The following RAB11A variants were observed in gnomAD, a reference collection of about 807,000 sequenced individuals.
RAB11A encodes ras-related protein Rab-11A.
RAB11A carries 9 observed loss-of-function variants against 28.0 expected under a neutral mutation model. The ratio of observed to expected loss-of-function variants is 0.32; its 90% CI spans 0.19 to 0.56. The LOEUF (loss-of-function observed/expected upper bound fraction) is 0.56, where lower values mean the gene tolerates loss of function less well. Ranked by LOEUF, RAB11A falls within the 20% of genes least tolerant of loss-of-function variation. The probability of loss-of-function intolerance (pLI) is 0.91; values close to 1 mark genes in which losing one functional copy is unlikely to be tolerated. For synonymous variants in RAB11A, 85 were observed against 88.2 expected (o/e 0.96, Z 0.20); for missense variants, 108 against 269.6 (o/e 0.40, Z 4.20).
intron 1 of RAB11A, among the ~76,000 whole-genome samples, chr15:65,870,660 G>T (rs2078154849): frequency 6.6e-6 from 1 of 152,216 alleles, no homozygotes; most frequent in Non-Finnish European, 1.5e-5. Flanking sequence ...TGCAACGCTG[G>T]GAGGATCCAA....
chr15:65,886,821 T>C (rs1181247827), intron 4 of RAB11A, among the ~76,000 whole-genome samples: 1 of 152,232 alleles, frequency 6.6e-6, no homozygotes, highest in Non-Finnish European at 1.5e-5. Flanking sequence ...AGACACTAAA[T>C]TATTTTTGAT....
In RAB11A at chr15:65,890,380, T is replaced by G. The variant is rs189652013; in HGVS notation, c.*2540T>G. 7.8e-4 allele frequency: 119 copies of G among 152,306 alleles called. No homozygotes were observed. The highest frequency in any genetic ancestry group is 2.7e-3 in the African/African-American group (114 of 41,564). 9.4% of individuals were successfully genotyped at this position (152,306 alleles called of 1,614,324 possible). A position where few individuals can be genotyped will look rare whatever the true frequency, so the allele number is the denominator to read the frequency against. ...CCTTGAATTTTTTTTTAACCTGTTA[T>G]ATAGTCTCCTGAATAGTTAGCCATG... On this transcript the variant is annotated 3_prime_UTR_variant, in exon 5 of 5. Coordinates refer to ENST00000261890, the MANE Select transcript of RAB11A (RefSeq NM_004663.5).
chr15:65,872,653 C>T (rs1359537213), intron 1 of RAB11A, among the ~76,000 whole-genome samples: 1 of 151,902 alleles, frequency 6.6e-6, no homozygotes, highest in Non-Finnish European at 1.5e-5. Flanking sequence ...AGGCTGGTCT[C>T]GAACTCCTGA....
At chr15:65,875,557 C>T (rs1345815689) in intron 1 of RAB11A, among the ~76,000 whole-genome samples, 2 of 152,208 alleles carry the variant, frequency 1.3e-5, no homozygotes, top group Non-Finnish European at 2.9e-5. Context: ...TATGTGTTTG[C>T]CACAGCATCT....
intron 4 of RAB11A, among the ~76,000 whole-genome samples, chr15:65,885,099 A>G (rs2078247915): frequency 6.7e-6 from 1 of 148,242 alleles, no homozygotes. Flanking sequence ...TCACAATACC[A>G]TATGTCGTAT....
Position 65,885,854 on chromosome 15 carries a change from C to T in RAB11A, c.512-1847C>T, listed in dbSNP as rs74403111. 9.4e-3 allele frequency among the ~76,000 whole-genome samples: 1,427 copies of T among 152,320 alleles called. 22 individuals are homozygous for T. The highest frequency in any genetic ancestry group is 0.057 in the South Asian group (276 of 4,828). On this transcript the variant is annotated intron_variant, in intron 4 of 4. Coordinates refer to ENST00000261890, the MANE Select transcript of RAB11A (RefSeq NM_004663.5). ...AGAGAGATGACCCACCTCCCAATGG[C>T]ATTCAGAGGCTTATGCCATTCTGGC...
At chr15:65,870,408 C>T (rs2141098763) in intron 1 of RAB11A, among the ~76,000 whole-genome samples, 1 of 152,346 alleles carries the variant, frequency 6.6e-6, no homozygotes, top group Middle Eastern at 3.4e-3. Context: ...CACCCACTCG[C>T]GCACTTGTCG....
chr15:65,875,065 G>C (rs2078184165), intron 1 of RAB11A, among the ~76,000 whole-genome samples: 1 of 151,890 alleles, frequency 6.6e-6, no homozygotes, highest in Non-Finnish European at 1.5e-5. Flanking sequence ...AAGAAAGAAA[G>C]AAAGTGCTGG....
At chr15:65,875,049 AAAAGAAAG>A (rs560918999) in intron 1 of RAB11A, among the ~76,000 whole-genome samples, 2 of 152,068 alleles carry the variant, frequency 1.3e-5, no homozygotes, top group African/African-American at 4.8e-5. Context: ...CTGTCTCAAA[AAAAGAAAG>A]AAAGAAAGAA....
intron 1 of RAB11A, among the ~76,000 whole-genome samples, chr15:65,876,458 G>A (rs1050944568): frequency 2.0e-5 from 3 of 151,846 alleles, no homozygotes; most frequent in Admixed American, 6.6e-5. Context: ...CACCACACCT[G>A]GCTAATTTTT....
In RAB11A at chr15:65,877,182, A is replaced by AC; in HGVS notation, c.41-145dup. 1.6e-6 allele frequency: 1 copy of AC among 635,454 alleles called. No homozygotes were observed. The highest frequency in any genetic ancestry group is 2.1e-5 in the South Asian group (1 of 46,556). The allele number at this position is 635,454 out of a possible 1,614,324, so 39.4% of individuals were successfully genotyped here. A position where few individuals can be genotyped will look rare whatever the true frequency, so the allele number is the denominator to read the frequency against. ...TAACTGGTCAAGAACATGCTGTTCAACCCCCTACCCCCATTCCTTTTTAAA... is the reference window on the plus strand; with the variant it reads ...TAACTGGTCAAGAACATGCTGTTCAACCCCCCTACCCCCATTCCTTTTTAAA... On this transcript the variant is annotated intron_variant, in intron 1 of 4. Transcript: ENST00000261890. The surrounding 1 kb of genome is among the most constrained non-coding windows in gnomAD (Gnocchi z 4.1).
intron 1 of RAB11A, among the ~76,000 whole-genome samples, chr15:65,872,997 A>T (rs2078172158): frequency 2.6e-5 from 4 of 152,254 alleles, no homozygotes; most frequent in Admixed American, 2.6e-4. Context: ...TAACCAGTTC[A>T]AAATAAAGGG....
chr15:65,878,549 G>C (rs1291034276), intron 3 of RAB11A, among the ~76,000 whole-genome samples: 1 of 152,146 alleles, frequency 6.6e-6, no homozygotes, highest in Non-Finnish European at 1.5e-5. Context: ...CGCGGTGGCG[G>C]GCGCCTGTAG....
chr15:65,874,191 G>A (rs971614324), intron 1 of RAB11A, among the ~76,000 whole-genome samples: 8 of 151,592 alleles, frequency 5.3e-5, no homozygotes, highest in African/African-American at 1.5e-4. Flanking sequence ...AGGTATTTGC[G>A]ATGATACTCA....
At chr15:65,884,196 A>G (rs74021898) in intron 4 of RAB11A, among the ~76,000 whole-genome samples, 87 of 152,302 alleles carry the variant, frequency 5.7e-4, no homozygotes, top group African/African-American at 2.0e-3. Flanking sequence ...TTTTGTTTCA[A>G]TGAAAAAGGA....
Position 65,890,004 on chromosome 15 carries a change from C to T in RAB11A, c.*2164C>T, listed in dbSNP as rs1056515696. On this transcript the variant is annotated 3_prime_UTR_variant, in exon 5 of 5. Transcript: ENST00000261890. Reference sequence around the variant, plus strand: ...TATTATGACAGTTCAGGGCTTAAGGCAGTTTAGAAGTATTTTGCTACTTGA... The same window carrying T: ...TATTATGACAGTTCAGGGCTTAAGGTAGTTTAGAAGTATTTTGCTACTTGA... 3 of 151,560 alleles carry T rather than the reference C, an allele frequency of 2.0e-5. No homozygotes were observed. Among genetic ancestry groups the T allele is most frequent in the African/African-American group, 7.3e-5 (3 of 41,232 alleles). The allele number at this position is 151,560 out of a possible 1,614,324, so 9.4% of individuals were successfully genotyped here.
chr15:65,887,561 TA>T, intron 4 of RAB11A, 139 bp from the exon 5 acceptor site: 1 of 800,484 alleles, frequency 1.2e-6, no homozygotes, highest in Non-Finnish European at 1.8e-6. Flanking sequence ...TGTTTGAAAA[TA>T]AAACTTTAAA....
chr15:65,888,247 CTTCTCTCAGTGCAGTGT>C lies in RAB11A; in HGVS notation c.*408_*424del, dbSNP rs2078266463. ...CAGAGCAGCTTATAGGTAATACACT[CTTCTCTCAGTGCAGTGT>C]ACATTTCCACAAATCTAAGAATTGC... On this transcript the variant is annotated 3_prime_UTR_variant, in exon 5 of 5. Transcript: ENST00000261890. 1 of 155,924 alleles carries C rather than the reference CTTCTCTCAGTGCAGTGT, an allele frequency of 6.4e-6. No homozygotes were observed. The highest frequency in any genetic ancestry group is 2.0e-4 in the South Asian group (1 of 4,884). 9.7% of individuals were successfully genotyped at this position (155,924 alleles called of 1,614,324 possible). A position where few individuals can be genotyped will look rare whatever the true frequency, so the allele number is the denominator to read the frequency against.
intron 3 of RAB11A, among the ~76,000 whole-genome samples, chr15:65,879,424 A>G (rs964718783): frequency 4.6e-5 from 7 of 151,508 alleles, no homozygotes; most frequent in Admixed American, 4.6e-4. Context: ...GGCAGGAGAA[A>G]CTCTTGAGGC....
Sources: gnomAD v4.1 joint callset for allele counts (sites outside exome capture counted in the v4.1 genomes callset) on GRCh38, gnomAD v4.1.1 for gene constraint, Gnocchi (gnomAD v3.1) non-coding constraint, MANE v1.5 for transcripts, NCBI Gene and HGNC (gene_info 2026-07-23, HGNC 2026-07-21) for gene names.